Variants in LARP6 observed in about 807,000 individuals in gnomAD.
LARP6 encodes the protein la-related protein 6.
In LARP6, 18 loss-of-function variants were observed where a neutral mutation model predicts 32.8. The ratio of observed to expected loss-of-function variants is 0.55; its 90% CI spans 0.38 to 0.81. LARP6 has a LOEUF of 0.81. LARP6 is among the 40% of genes least tolerant of loss of function. The pLI is 0.00. For missense variants in LARP6, 598 were observed against 663.1 expected (o/e 0.90, Z 1.08); for synonymous variants, 289 against 267.2 (o/e 1.08, Z -0.80).
Position 70,831,464 on chromosome 15 carries a change from C to T in LARP6, c.*588G>A, listed in dbSNP as rs967087409. ...GATGTCTCTGCTAAGCTCCTCAGGG[C>T]CTCATGACATACCACCCACAGCTCT... On this transcript the variant is annotated 3_prime_UTR_variant, in exon 3 of 3. Coordinates refer to ENST00000299213, the MANE Select transcript of LARP6 (RefSeq NM_018357.4). 5.3e-5 allele frequency: 8 copies of T among 152,234 alleles called. No homozygotes were observed. Among genetic ancestry groups the T allele is most frequent in the Non-Finnish European group, 1.0e-4 (7 of 68,056 alleles). 9.4% of individuals were successfully genotyped at this position (152,234 alleles called of 1,614,324 possible).
intron 1 of LARP6, among the ~76,000 whole-genome samples, chr15:70,844,011 C>T (rs1165775485): frequency 6.6e-6 from 1 of 150,922 alleles, no homozygotes; most frequent in African/African-American, 2.4e-5. Context: ...GGCTGGAGTG[C>T]AGTGGTGCGA....
intron 1 of LARP6, among the ~76,000 whole-genome samples, chr15:70,843,907 C>T (rs561991139): frequency 6.0e-5 from 9 of 150,780 alleles, no homozygotes; most frequent in Middle Eastern, 3.5e-3. Flanking sequence ...CTGCCCACCT[C>T]GGCCTCCCAA....
chr15:70,830,179 A>T lies in LARP6; in HGVS notation c.*1873T>A, dbSNP rs1360218902. ...CAGAACATTGCTGGAGGCATTTGCC[A>T]GTTAACACGAACTCTTCTGCATCTT... On this transcript the variant is annotated 3_prime_UTR_variant, in exon 3 of 3. Coordinates refer to ENST00000299213, the MANE Select transcript of LARP6 (RefSeq NM_018357.4). 6.6e-6 allele frequency: 1 copy of T among 152,298 alleles called. No individual in the cohort carries two copies. The highest frequency in any genetic ancestry group is 1.5e-5 in the Non-Finnish European group (1 of 68,068). 9.4% of individuals were successfully genotyped at this position (152,298 alleles called of 1,614,324 possible).
intron 1 of LARP6, chr15:70,851,733 C>A: frequency 1.9e-6 from 3 of 1,613,948 alleles, no homozygotes; most frequent in Non-Finnish European, 2.5e-6. Flanking sequence ...GTGAGGGAGA[C>A]ACAATGATAG....
intron 2 of LARP6, among the ~76,000 whole-genome samples, chr15:70,834,007 G>A (rs2032102873): frequency 6.6e-6 from 1 of 152,172 alleles, no homozygotes; most frequent in Non-Finnish European, 1.5e-5. Flanking sequence ...GGAATGCCAG[G>A]GGGAATGAGT....
intron 1 of LARP6, among the ~76,000 whole-genome samples, chr15:70,839,116 A>G (rs1314481651): frequency 6.6e-6 from 1 of 152,182 alleles, no homozygotes; most frequent in Non-Finnish European, 1.5e-5. Context: ...ATGGCTTTTT[A>G]AAATACCTTA....
chr15:70,830,542 G>A lies in LARP6; in HGVS notation c.*1510C>T, dbSNP rs978349406. 1 of 152,200 alleles carries A rather than the reference G, an allele frequency of 6.6e-6. No individual in the cohort carries two copies. The highest frequency in any genetic ancestry group is 2.4e-5 in the African/African-American group (1 of 41,442). The allele number at this position is 152,200 out of a possible 1,614,324, so 9.4% of individuals were successfully genotyped here. A position where few individuals can be genotyped will look rare whatever the true frequency, so the allele number is the denominator to read the frequency against. ...TGTGGGCTCCAAAGCCAGACCACTA[G>A]TTTCAAGCCCAACTCTACCAATTTA... On this transcript the variant is annotated 3_prime_UTR_variant, in exon 3 of 3. Transcript: ENST00000299213.
intron 1 of LARP6, among the ~76,000 whole-genome samples, chr15:70,846,621 A>ATACATACATACATAC (rs1555423154): frequency 4.0e-5 from 6 of 148,766 alleles, no homozygotes; most frequent in African/African-American, 1.2e-4. Context: ...AAAATAAATA[A>ATACATACATACATAC]ATACATACAT....
intron 1 of LARP6, among the ~76,000 whole-genome samples, chr15:70,846,621 A>AATACATACATACATACATACATAC (rs71152317): frequency 8.7e-5 from 13 of 148,882 alleles, no homozygotes; most frequent in Middle Eastern, 3.4e-3. Context: ...AAAATAAATA[A>AATACATACATACATACATACATAC]ATACATACAT....
chr15:70,837,728 T>C (rs1233450645), intron 1 of LARP6, among the ~76,000 whole-genome samples: 1 of 152,208 alleles, frequency 6.6e-6, no homozygotes, highest in Non-Finnish European at 1.5e-5. Context: ...TCAAGCCATC[T>C]GCCTTGGCCT....
In LARP6 at chr15:70,830,287, G is replaced by A. The variant is rs2141046624; in HGVS notation, c.*1765C>T. Reference sequence around the variant, plus strand: ...ATATCATTTAGGATATACTATCTTTGTCCATTTTCACAAGTTTGGGATATT... The same window carrying A: ...ATATCATTTAGGATATACTATCTTTATCCATTTTCACAAGTTTGGGATATT... On this transcript the variant is annotated 3_prime_UTR_variant, in exon 3 of 3. Transcript: ENST00000299213. 6.6e-6 allele frequency: 1 copy of A among 152,348 alleles called. No individual in the cohort carries two copies. The highest frequency in any genetic ancestry group is 1.9e-4 in the East Asian group (1 of 5,188). The allele number at this position is 152,348 out of a possible 1,614,324, so 9.4% of individuals were successfully genotyped here.
At chr15:70,847,620 T>C (rs1480374326) in intron 1 of LARP6, among the ~76,000 whole-genome samples, 1 of 152,168 alleles carries the variant, frequency 6.6e-6, no homozygotes, top group Non-Finnish European at 1.5e-5. Context: ...CTGCCCACCT[T>C]GGCCTCCCAA....
At chr15:70,846,399 A>G (rs1311191222) in intron 1 of LARP6, among the ~76,000 whole-genome samples, 4 of 152,144 alleles carry the variant, frequency 2.6e-5, no homozygotes, top group African/African-American at 9.7e-5. Context: ...ATTTGAGGCC[A>G]GGAGTTCGAG....
rs1197618708 is a variant in LARP6 at position 70,830,685 on chromosome 15, G to A, written c.*1367C>T. The A allele has an allele frequency of 6.6e-6, 1 of 152,190 alleles. No individual in the cohort carries two copies. The highest frequency in any genetic ancestry group is 1.5e-5 in the Non-Finnish European group (1 of 68,030). The allele number at this position is 152,190 out of a possible 1,614,324, so 9.4% of individuals were successfully genotyped here. A position where few individuals can be genotyped will look rare whatever the true frequency, so the allele number is the denominator to read the frequency against. On this transcript the variant is annotated 3_prime_UTR_variant, in exon 3 of 3. Coordinates refer to ENST00000299213, the MANE Select transcript of LARP6 (RefSeq NM_018357.4). ...TTTTGGGCAGATTAAATGAGATAAT[G>A]CATGGAAAGCTCTTAGCATAGTCCC...
intron 1 of LARP6, among the ~76,000 whole-genome samples, chr15:70,845,661 G>T (rs1379503437): frequency 6.6e-6 from 1 of 152,254 alleles, no homozygotes; most frequent in Non-Finnish European, 1.5e-5. Context: ...CACTTAGGGT[G>T]TGGGGAGTTA....
chr15:70,848,011 C>T (rs2032378495), intron 1 of LARP6, among the ~76,000 whole-genome samples: 1 of 152,032 alleles, frequency 6.6e-6, no homozygotes, highest in Admixed American at 6.6e-5. Context: ...TTTTGACTCA[C>T]CTCTAGAACA....
chr15:70,840,606 T>C (rs2032235731), intron 1 of LARP6, among the ~76,000 whole-genome samples: 1 of 152,072 alleles, frequency 6.6e-6, no homozygotes, highest in Non-Finnish European at 1.5e-5. Context: ...TAACTACAAA[T>C]GCAAAGGGAA....
intron 2 of LARP6, among the ~76,000 whole-genome samples, chr15:70,834,750 G>T (rs1161147473): frequency 6.6e-6 from 1 of 152,240 alleles, no homozygotes; most frequent in Non-Finnish European, 1.5e-5. Context: ...CATTCATAAG[G>T]AAGGTCCAGG....
At chr15:70,841,397 T>C (rs752474010) in intron 1 of LARP6, among the ~76,000 whole-genome samples, 8 of 152,190 alleles carry the variant, frequency 5.3e-5, no homozygotes, top group Non-Finnish European at 8.8e-5. Context: ...TTTCCTAACC[T>C]TCGCTCCAGC....
Sources: allele counts gnomAD v4.1 joint callset (sites outside exome capture counted in the v4.1 genomes callset), GRCh38; gene constraint gnomAD v4.1.1; transcripts MANE v1.5; gene names NCBI Gene and HGNC (gene_info 2026-07-23, HGNC 2026-07-21).